The following CADM2 variants were observed in gnomAD, a reference collection of about 807,000 sequenced individuals.
CADM2 encodes the protein immunoglobulin superfamily member 4D.
In CADM2, 12 loss-of-function variants were observed where a neutral mutation model predicts 49.8. The ratio of observed to expected loss-of-function variants is 0.24; its 90% CI spans 0.15 to 0.39. The LOEUF (loss-of-function observed/expected upper bound fraction) is 0.39, where lower values mean the gene tolerates loss of function less well. CADM2 is among the 10% of genes least tolerant of loss of function. The pLI is 1.00. For synonymous variants in CADM2, 214 were observed against 175.4 expected (o/e 1.22, Z -1.74); for missense variants, 378 against 492.3 (o/e 0.77, Z 2.20).
At chr3:86,049,994 T>A (rs1354505482) in intron 8 of CADM2, among the ~76,000 whole-genome samples, 1 of 152,060 alleles carries the variant, frequency 6.6e-6, no homozygotes, top group African/African-American at 2.4e-5. Context: ...TTTCCAGAAG[T>A]CCCCCAAACT....
intron 3 of CADM2, among the ~76,000 whole-genome samples, chr3:85,834,166 C>A (rs1361850633): frequency 6.6e-6 from 1 of 151,462 alleles, no homozygotes; most frequent in Non-Finnish European, 1.5e-5. Flanking sequence ...AATCATGGAT[C>A]TACTATTAAC....
chr3:85,995,837 T>C (rs561127091), intron 8 of CADM2, among the ~76,000 whole-genome samples: 139 of 152,088 alleles, frequency 9.1e-4, no homozygotes, highest in African/African-American at 3.1e-3. Context: ...CGCCTGTAAT[T>C]CCAGCACTTT....
chr3:86,043,222 C>T (rs999851534), intron 8 of CADM2, among the ~76,000 whole-genome samples: 3 of 152,144 alleles, frequency 2.0e-5, no homozygotes, highest in African/African-American at 7.2e-5. Context: ...GTTGGAAGTT[C>T]TGGCCAGGGC....
chr3:86,065,697 T>C lies in CADM2; in HGVS notation c.1063T>C (p.Phe355Leu). ...VVVFVTLCSI[F>L]LLGRYLARHK... ...TGTATTTGTCACGCTGTGTTCTATCTTTCTGCTTGGTCGATATCTGGCAAG... is the reference window on the plus strand; with the variant it reads ...TGTATTTGTCACGCTGTGTTCTATCCTTCTGCTTGGTCGATATCTGGCAAG... Residue 355 changes from phenylalanine to leucine, a missense_variant, in exon 9 of 10, where the codon TTT (phenylalanine) becomes CTT (leucine). Physicochemically the swap from Phe to Leu is conservative, Grantham distance 22. Coordinates refer to ENST00000383699, the MANE Select transcript of CADM2 (RefSeq NM_001167675.2). 6.2e-7 allele frequency: 1 copy of C among 1,614,076 alleles called. No individual in the cohort carries two copies. Among genetic ancestry groups the C allele is most frequent in the South Asian group, 1.1e-5 (1 of 91,084 alleles).
chr3:85,530,456 A>C (rs62252499), intron 1 of CADM2, among the ~76,000 whole-genome samples: 4 of 148,416 alleles, frequency 2.7e-5, no homozygotes, highest in Admixed American at 6.7e-5. Flanking sequence ...TCAGCCTCCC[A>C]AGTCGCTGGG....
intron 1 of CADM2, among the ~76,000 whole-genome samples, chr3:84,983,797 A>G (rs539973898): frequency 6.6e-6 from 1 of 152,140 alleles, no homozygotes; most frequent in South Asian, 2.1e-4. Context: ...TTGCATTACG[A>G]TTTTTATTTT....
chr3:85,733,566 T>C (rs914532981), intron 2 of CADM2, among the ~76,000 whole-genome samples: 8 of 152,176 alleles, frequency 5.3e-5, no homozygotes, highest in Non-Finnish European at 8.8e-5. Context: ...TTATTTCCAA[T>C]TGATTTAATG....
At chr3:85,891,228 T>A (rs77470616) in intron 5 of CADM2, among the ~76,000 whole-genome samples, 65 of 152,346 alleles carry the variant, frequency 4.3e-4, no homozygotes, top group African/African-American at 1.5e-3. Flanking sequence ...TGAGAAAAGA[T>A]GTGCATTGCC....
intron 1 of CADM2, among the ~76,000 whole-genome samples, chr3:85,421,050 T>C (rs1288491158): frequency 6.6e-6 from 1 of 152,192 alleles, no homozygotes; most frequent in Non-Finnish European, 1.5e-5. Flanking sequence ...TGAATGTCTA[T>C]TAATATTTTA....
chr3:85,038,854 C>T (rs375069731), intron 1 of CADM2, among the ~76,000 whole-genome samples: 20 of 152,110 alleles, frequency 1.3e-4, no homozygotes, highest in African/African-American at 4.8e-4. Flanking sequence ...AATCTTCCAA[C>T]TTGCAATTAT....
At chr3:85,645,217 C>T (rs1408188919) in intron 1 of CADM2, among the ~76,000 whole-genome samples, 3 of 151,832 alleles carry the variant, frequency 2.0e-5, no homozygotes, top group Admixed American at 6.6e-5. Flanking sequence ...TTCTACTTTT[C>T]CCCATATCAT....
chr3:85,435,551 C>G (rs181578944), intron 1 of CADM2, among the ~76,000 whole-genome samples: 155 of 152,196 alleles, frequency 1.0e-3, no homozygotes, highest in African/African-American at 3.6e-3. Context: ...ATTGCTGGGT[C>G]AAACGGTATT....
intron 1 of CADM2, among the ~76,000 whole-genome samples, chr3:85,720,120 G>T (rs574403683): frequency 6.6e-6 from 1 of 152,016 alleles, no homozygotes; most frequent in Non-Finnish European, 1.5e-5. Context: ...ATTTTCTGCC[G>T]TGAAATTTAT....
chr3:85,944,923 A>T (rs1222128924), intron 7 of CADM2, among the ~76,000 whole-genome samples: 1 of 152,140 alleles, frequency 6.6e-6, no homozygotes, highest in East Asian at 1.9e-4. Flanking sequence ...GAAATAACTA[A>T]GATCAGAGCA....
At position 85,415,403 on chromosome 3, in the gene CADM2, T is replaced by C. The variant is rs1399837604; in HGVS notation, c.62-311119T>C. Among the ~76,000 whole-genome samples the C allele has an allele frequency of 7.4e-5, 9 of 120,818 alleles. No individual in the cohort carries two copies. The Admixed American group carries it at 8.0e-4, about 11-fold the overall frequency. 79.3% of individuals were successfully genotyped at this position (120,818 alleles called of 152,430 possible). ...AAAGTGATTCTGATGAAAGTACGAA[T>C]AGTGCCAGCTTTTGCCAAAAAAAAA... On this transcript the variant is annotated intron_variant, in intron 1 of 9. Transcript: ENST00000383699.
intron 1 of CADM2, among the ~76,000 whole-genome samples, chr3:85,489,837 GGA>G (rs1324005560): frequency 6.7e-6 from 1 of 148,440 alleles, no homozygotes; most frequent in Non-Finnish European, 1.5e-5. Context: ...GCAAAGCGAG[GGA>G]GAGAGAGATT....
chr3:85,672,408 G>T lies in CADM2; in HGVS notation c.62-54114G>T, dbSNP rs141020447. On this transcript the variant is annotated intron_variant, in intron 1 of 9. Transcript: ENST00000383699. ...GGGGTTTCACCGTGTTAACCGGGAT[G>T]GTCTTGATCTCCTGACCTTGTGATC... 2.3e-4 allele frequency among the ~76,000 whole-genome samples: 35 copies of T among 151,942 alleles called. No homozygotes were observed. The East Asian group carries it at 6.6e-3, about 29-fold the overall frequency.
intron 1 of CADM2, among the ~76,000 whole-genome samples, chr3:85,238,457 A>G (rs368102828): frequency 3.3e-5 from 5 of 152,070 alleles, no homozygotes; most frequent in Admixed American, 1.3e-4. Context: ...AAGGATAGCA[A>G]CTTCTCCTGG....
At position 85,441,207 on chromosome 3, in the gene CADM2, C is replaced by A. The variant is rs2037187303; in HGVS notation, c.62-285315C>A. Among the ~76,000 whole-genome samples the A allele has an allele frequency of 4.0e-5, 6 of 151,798 alleles. No individual in the cohort carries two copies. The South Asian group carries it at 1.2e-3, about 32-fold the overall frequency. On this transcript the variant is annotated intron_variant, in intron 1 of 9. Coordinates refer to ENST00000383699, the MANE Select transcript of CADM2 (RefSeq NM_001167675.2). ...ATAATTTTTGTAGTAATTAAATACT[C>A]AGTTTTTAATATTATGTTATTGACA...
Sources: allele counts gnomAD v4.1 joint callset (sites outside exome capture counted in the v4.1 genomes callset), GRCh38; gene constraint gnomAD v4.1.1; transcripts MANE v1.5; gene names NCBI Gene and HGNC (gene_info 2026-07-23, HGNC 2026-07-21).